The following PCCB variants were observed in gnomAD, a reference collection of about 807,000 sequenced individuals.
The protein encoded by PCCB is propionyl-CoA carboxylase subunit beta.
Under a neutral mutation model 60.7 loss-of-function variants are expected in PCCB, and 43 were observed. The ratio of observed to expected loss-of-function variants is 0.71; its 90% CI spans 0.55 to 0.91. The LOEUF (loss-of-function observed/expected upper bound fraction) is 0.91. Ranked by LOEUF, PCCB falls within the 40% of genes least tolerant of loss-of-function variation. The pLI, the probability that PCCB is intolerant of heterozygous loss-of-function variation, is 0.00. For synonymous variants in PCCB, 276 were observed against 255.9 expected (o/e 1.08, Z -0.75); for missense variants, 766 against 702.8 (o/e 1.09, Z -1.02).
At chr3:136,291,406 T>C (rs191864274) in intron 6 of PCCB, among the ~76,000 whole-genome samples, 3 of 152,322 alleles carry the variant, frequency 2.0e-5, no homozygotes, top group Non-Finnish European at 4.4e-5. Flanking sequence ...TATGACTTAT[T>C]CCTGATAGCT....
At chr3:136,266,001 A>G (rs1185885316) in intron 5 of PCCB, among the ~76,000 whole-genome samples, 1 of 150,192 alleles carries the variant, frequency 6.7e-6, no homozygotes, top group Admixed American at 6.6e-5. Context: ...AATTTTTTGT[A>G]TTTTTAGTAG....
At chr3:136,285,791 C>T (rs954832792) in intron 6 of PCCB, among the ~76,000 whole-genome samples, 1 of 152,212 alleles carries the variant, frequency 6.6e-6, no homozygotes, top group Non-Finnish European at 1.5e-5. Context: ...TTATTCTAAG[C>T]AATCTCATTT....
At position 136,330,138 on chromosome 3, in the gene PCCB, A is replaced by G. The variant is rs1935488983; in HGVS notation, c.*112A>G. 1.9e-6 allele frequency: 3 copies of G among 1,570,200 alleles called. No homozygotes were observed. Among genetic ancestry groups the G allele is most frequent in the Non-Finnish European group, 2.6e-6 (3 of 1,150,042 alleles). On this transcript the variant is annotated 3_prime_UTR_variant, in exon 15 of 15. Transcript: ENST00000251654. ...GAATCCAAATAGTTGGATAACTTAGAATAACTAAGTTTATTAAATTCTAGA... is the reference window on the plus strand; with the variant it reads ...GAATCCAAATAGTTGGATAACTTAGGATAACTAAGTTTATTAAATTCTAGA...
intron 7 of PCCB, among the ~76,000 whole-genome samples, chr3:136,294,426 C>G (rs910544372): frequency 6.6e-6 from 1 of 150,892 alleles, no homozygotes; most frequent in East Asian, 2.0e-4. Context: ...ATCCTCCCAC[C>G]ACAGACTCTT....
intron 5 of PCCB, among the ~76,000 whole-genome samples, chr3:136,272,838 CT>C (rs966257264): frequency 6.6e-6 from 1 of 151,910 alleles, no homozygotes; most frequent in African/African-American, 2.4e-5. Context: ...CTGCTCTGAT[CT>C]TTGTTATTTC....
chr3:136,251,679 A>G (rs1267959811), intron 1 of PCCB, among the ~76,000 whole-genome samples: 1 of 151,992 alleles, frequency 6.6e-6, no homozygotes, highest in African/African-American at 2.4e-5. Flanking sequence ...GAGATGTTAG[A>G]TCATCCTCTG....
intron 14 of PCCB, 93 bp from the exon 15 acceptor site, chr3:136,329,812 G>T: frequency 7.2e-7 from 1 of 1,390,090 alleles, no homozygotes. Context: ...TATACTGCTG[G>T]CCCCAGGGAT....
chr3:136,297,921 A>T, intron 7 of PCCB, 31 bp from the exon 8 acceptor site: 2 of 1,613,878 alleles, frequency 1.2e-6, no homozygotes, highest in Non-Finnish European at 8.5e-7. Flanking sequence ...TGGTACCCTG[A>T]CTCAATCATA....
intron 5 of PCCB, among the ~76,000 whole-genome samples, chr3:136,267,030 A>G (rs1942021698): frequency 6.6e-6 from 1 of 152,050 alleles, no homozygotes; most frequent in Non-Finnish European, 1.5e-5. Flanking sequence ...TTACAGGTGC[A>G]TGCCACCACG....
At chr3:136,283,371 C>G (rs553235998) in intron 5 of PCCB, among the ~76,000 whole-genome samples, 1 of 152,144 alleles carries the variant, frequency 6.6e-6, no homozygotes, top group Non-Finnish European at 1.5e-5. Flanking sequence ...TCAAGAAGCA[C>G]CTGCTTGTAC....
chr3:136,252,264 A>G (rs1941537098), intron 1 of PCCB: 1 of 454,322 alleles, frequency 2.2e-6, no homozygotes, highest in Non-Finnish European at 4.4e-6. Context: ...GTGTAAGTTT[A>G]TTTATTTTTT....
intron 4 of PCCB, among the ~76,000 whole-genome samples, chr3:136,260,871 C>T (rs903961140): frequency 3.3e-5 from 5 of 151,994 alleles, no homozygotes; most frequent in African/African-American, 4.8e-5. Context: ...TAGTAACTAC[C>T]GTAATTTCAA....
chr3:136,318,865 G>A (rs650326), intron 10 of PCCB, among the ~76,000 whole-genome samples: 56,582 of 152,032 alleles, frequency 0.37, 12,499 homozygotes, highest in East Asian at 0.81. Flanking sequence ...GAATAATGCT[G>A]GAATAAACAT....
At chr3:136,287,233 C>G (rs1390598695) in intron 6 of PCCB, among the ~76,000 whole-genome samples, 2 of 152,042 alleles carry the variant, frequency 1.3e-5, no homozygotes, top group African/African-American at 4.8e-5. Context: ...AATTGCCTCC[C>G]TAAACAATGT....
intron 5 of PCCB, among the ~76,000 whole-genome samples, chr3:136,268,132 A>ATG (rs1942085538): frequency 3.7e-5 from 5 of 136,968 alleles, no homozygotes; most frequent in African/African-American, 1.1e-4. Context: ...GTATATATAT[A>ATG]TATATATATC....
In PCCB at chr3:136,259,939, A is replaced by G. The variant is rs1012721742; in HGVS notation, c.373-540A>G. Among the ~76,000 whole-genome samples, 8 of 148,324 alleles carry G rather than the reference A, an allele frequency of 5.4e-5. No homozygotes were observed. The East Asian group carries it at 1.6e-3, about 30-fold the overall frequency. On this transcript the variant is annotated intron_variant, in intron 3 of 14. Transcript: ENST00000251654. ...AGCTAATTTTTATATTTTAGTAGAG[A>G]TGGGGTTTCACCATGTTGGCCAGGG...
In PCCB at chr3:136,259,069, G is replaced by A. The variant is rs1310794258; in HGVS notation, c.373-1410G>A. ...TCTTTTTGAGGGGGTTTTAGGAGAGGTTATGCCCACAATAAGCCCTTTACA... is the reference window on the plus strand; with the variant it reads ...TCTTTTTGAGGGGGTTTTAGGAGAGATTATGCCCACAATAAGCCCTTTACA... On this transcript the variant is annotated intron_variant, in intron 3 of 14. Coordinates refer to ENST00000251654, the MANE Select transcript of PCCB (RefSeq NM_000532.5). The A allele has an allele frequency of 8.4e-6, 9 of 1,066,368 alleles. No homozygotes were observed. In the South Asian group the frequency reaches 2.7e-4, roughly 32 times the overall value. 66.1% of individuals were successfully genotyped at this position (1,066,368 alleles called of 1,614,324 possible).
chr3:136,280,633 A>G (rs1295378581), intron 5 of PCCB, among the ~76,000 whole-genome samples: 2 of 152,234 alleles, frequency 1.3e-5, no homozygotes, highest in Admixed American at 1.3e-4. Context: ...GGCATGAGCC[A>G]TTGTGCCCAG....
At chr3:136,327,312 G>A in intron 12 of PCCB, 57 bp downstream of exon 12, 1 of 1,357,056 alleles carries the variant, frequency 7.4e-7, no homozygotes, top group South Asian at 1.2e-5. Flanking sequence ...GCATAGCCGT[G>A]GTGGGAGGTC....
Sources: gnomAD v4.1 joint callset for allele counts (sites outside exome capture counted in the v4.1 genomes callset) on GRCh38, gnomAD v4.1.1 for gene constraint, MANE v1.5 for transcripts, NCBI Gene and HGNC (gene_info 2026-07-23, HGNC 2026-07-21) for gene names.